RFPL1: variants seen among roughly 807,000 people sequenced by gnomAD.
The protein encoded by RFPL1 is ret finger protein-like 1.
Under a neutral mutation model 9.6 loss-of-function variants are expected in RFPL1, and 6 were observed. That is an observed-to-expected ratio of 0.62 (90% CI 0.34 to 1.23). The LOEUF is 1.23. RFPL1 is among the 50% of genes most tolerant of loss of function. RFPL1 has a pLI of 0.03. For missense variants in RFPL1, 352 were observed against 398.4 expected (o/e 0.88, Z 0.99); for synonymous variants, 145 against 149.4 (o/e 0.97, Z 0.22).
chr22:29,438,943 T>C, exon 1 of RFPL1: 6 of 1,613,964 alleles, frequency 3.7e-6, no homozygotes, highest in Non-Finnish European at 5.1e-6. Context: ...GAGAAACCAA[T>C]GTCCCTGGAG....
At chr22:29,433,792 G>T (rs550825460), upstream of RFPL1, among the ~76,000 whole-genome samples, 1 of 152,244 alleles carries the variant, frequency 6.6e-6, no homozygotes, top group South Asian at 2.1e-4. Context: ...AGCCACCAGT[G>T]GCTATGGGGC....
the RFPL1 span, chr22:29,419,113 G>C: frequency 3.5e-6 from 5 of 1,437,340 alleles, no homozygotes; most frequent in Non-Finnish European, 4.9e-6. Context: ...ACCCTCCCCT[G>C]TCAGCCAGCT....
the RFPL1 span, among the ~76,000 whole-genome samples, chr22:29,408,768 G>GTT: frequency 4.2e-4 from 64 of 152,298 alleles, no homozygotes; most frequent in Admixed American, 1.1e-3. Context: ...CTTACAAACT[G>GTT]TTTGGTAGTG....
At chr22:29,426,137 A>G in the RFPL1 span, among the ~76,000 whole-genome samples, 1 of 151,756 alleles carries the variant, frequency 6.6e-6, no homozygotes, top group Non-Finnish European at 1.5e-5. Context: ...AGCCTGGCTA[A>G]CATGGCCAAA....
the RFPL1 span, among the ~76,000 whole-genome samples, chr22:29,415,737 T>C: frequency 4.6e-4 from 70 of 152,344 alleles, no homozygotes; most frequent in Middle Eastern, 3.4e-3. Context: ...CTGGCCCTTT[T>C]AAGGGCTTAC....
the RFPL1 span, among the ~76,000 whole-genome samples, chr22:29,407,028 G>C: frequency 1.3e-5 from 2 of 151,946 alleles, no homozygotes; most frequent in Admixed American, 1.3e-4. Context: ...ATCAATGGTA[G>C]ATGATACAAC....
At chr22:29,401,109 C>T in the RFPL1 span, among the ~76,000 whole-genome samples, 54 of 152,328 alleles carry the variant, frequency 3.5e-4, 1 homozygote, top group Non-Finnish European at 5.3e-4. Context: ...CCTTTTAAAG[C>T]AGTCACGGTC....
chr22:29,437,259 C>T (rs1222098918), upstream of RFPL1: 1 of 172,188 alleles, frequency 5.8e-6, no homozygotes, highest in Non-Finnish European at 1.2e-5. Flanking sequence ...AATGCATGCC[C>T]CTATTACCTT....
chr22:29,425,096 C>T, the RFPL1 span, among the ~76,000 whole-genome samples: 16 of 149,990 alleles, frequency 1.1e-4, no homozygotes, highest in East Asian at 2.2e-3. Flanking sequence ...CCCAGCTACT[C>T]GGGAGGCTGA....
chr22:29,435,419 C>T (rs1286982860), upstream of RFPL1, among the ~76,000 whole-genome samples: 8 of 152,304 alleles, frequency 5.3e-5, no homozygotes, highest in Non-Finnish European at 7.4e-5. Flanking sequence ...ACACTCTTTA[C>T]GTTGTATCCA....
the RFPL1 span, among the ~76,000 whole-genome samples, chr22:29,427,902 C>T: frequency 1.3e-5 from 2 of 152,170 alleles, no homozygotes; most frequent in Admixed American, 1.3e-4. Context: ...CTTGATGTTA[C>T]TCTACTTCAA....
the RFPL1 span, among the ~76,000 whole-genome samples, chr22:29,389,829 C>G: frequency 2.0e-5 from 3 of 151,174 alleles, no homozygotes; most frequent in Non-Finnish European, 4.4e-5. Context: ...GACAGGGTCT[C>G]GCTCTGTTGC....
chr22:29,432,535 G>A, the RFPL1 span, among the ~76,000 whole-genome samples: 1 of 152,134 alleles, frequency 6.6e-6, no homozygotes, highest in African/African-American at 2.4e-5. Flanking sequence ...GAGCGTTAGC[G>A]TCTCTCGGTC....
chr22:29,419,204 C>G, the RFPL1 span: 1 of 1,598,888 alleles, frequency 6.3e-7, no homozygotes, highest in Non-Finnish European at 8.6e-7. Flanking sequence ...TTCACTGCCT[C>G]CTTCTTCTTC....
chr22:29,389,796 T>C, the RFPL1 span, among the ~76,000 whole-genome samples: 1 of 151,770 alleles, frequency 6.6e-6, no homozygotes, highest in African/African-American at 2.4e-5. Flanking sequence ...GATCATTTGT[T>C]TTTTTTTGTT....
At chr22:29,418,166 G>A in the RFPL1 span, among the ~76,000 whole-genome samples, 2 of 152,062 alleles carry the variant, frequency 1.3e-5, no homozygotes, top group South Asian at 4.1e-4. Context: ...CTGACCTTGT[G>A]ATCCACCCTC....
At chr22:29,401,111 G>T in the RFPL1 span, among the ~76,000 whole-genome samples, 1 of 152,156 alleles carries the variant, frequency 6.6e-6, no homozygotes, top group Non-Finnish European at 1.5e-5. Flanking sequence ...TTTTAAAGCA[G>T]TCACGGTCAT....
At chr22:29,428,551 T>A in the RFPL1 span, among the ~76,000 whole-genome samples, 1 of 152,180 alleles carries the variant, frequency 6.6e-6, no homozygotes, top group African/African-American at 2.4e-5. Context: ...TACATTCTTC[T>A]CCTCAGCACA....
the RFPL1 span, among the ~76,000 whole-genome samples, chr22:29,410,231 ATATATATATAGT>A: frequency 6.6e-3 from 908 of 137,504 alleles, 8 homozygotes; most frequent in African/African-American, 0.023. Context: ...ATATATATAG[ATATATATATAGT>A]AGATATATAT....
Sources: gnomAD v4.1 joint callset for allele counts (sites outside exome capture counted in the v4.1 genomes callset) on GRCh38, gnomAD v4.1.1 for gene constraint, MANE v1.5 for transcripts, NCBI Gene and HGNC (gene_info 2026-07-23, HGNC 2026-07-21) for gene names.